ARMCX4: variants seen among roughly 807,000 people sequenced by gnomAD.
ARMCX4 encodes armadillo repeat-containing X-linked protein 4.
In ARMCX4, 3 loss-of-function variants were observed where a neutral mutation model predicts 34.7. That is an observed-to-expected ratio of 0.09 (90% CI 0.04 to 0.22). The LOEUF is 0.22. Ranked by LOEUF, ARMCX4 falls within the 10% of genes least tolerant of loss-of-function variation. The pLI, the probability that ARMCX4 is intolerant of heterozygous loss-of-function variation, is 1.00. For synonymous variants in ARMCX4, 513 were observed against 632.8 expected (o/e 0.81, Z 2.84); for missense variants, 1,448 against 1,720.8 (o/e 0.84, Z 2.81).
At chrX:101,483,186 G>A (rs1283197291), upstream of ARMCX4, among the ~76,000 whole-genome samples, 1 of 109,462 alleles carries the variant, frequency 9.1e-6, no homozygotes, top group Admixed American at 9.9e-5. Flanking sequence ...GAGCCACCGT[G>A]CCCGGCTGCG....
At chrX:101,459,098 C>A (rs1172641035) in intron 4 of ARMCX4, among the ~76,000 whole-genome samples, 1 of 111,696 alleles carries the variant, frequency 9.0e-6, no homozygotes, top group Admixed American at 9.5e-5. Context: ...GCTAGATTCA[C>A]CTTTTATGTT....
chrX:101,502,959 T>C (rs1211370378), intron 7 of ARMCX4, among the ~76,000 whole-genome samples: 1 of 70,007 alleles, frequency 1.4e-5, no homozygotes, highest in Non-Finnish European at 2.5e-5. Flanking sequence ...CAACAGGCCC[T>C]GGTGTGTGAT....
chrX:101,474,341 C>T (rs1933068346), intron 4 of ARMCX4, among the ~76,000 whole-genome samples: 1 of 107,342 alleles, frequency 9.3e-6, no homozygotes, highest in Non-Finnish European at 1.9e-5. Context: ...AAAAAGAGTC[C>T]AGGACCAGAT....
downstream of ARMCX4, among the ~76,000 whole-genome samples, chrX:101,497,909 A>G (rs1556012341): frequency 9.0e-6 from 1 of 111,713 alleles, no homozygotes; most frequent in Non-Finnish European, 1.9e-5. Flanking sequence ...ATTCCCCTTC[A>G]GGAATGAAAA....
intron 4 of ARMCX4, among the ~76,000 whole-genome samples, chrX:101,478,953 C>T (rs886271318): frequency 2.0e-4 from 22 of 110,512 alleles, no homozygotes; most frequent in African/African-American, 6.6e-4. Context: ...ACTATATGTA[C>T]ATATATATGT....
At chrX:101,508,967 A>C (rs782523660) in intron 8 of ARMCX4, among the ~76,000 whole-genome samples, 1 of 111,373 alleles carries the variant, frequency 9.0e-6, no homozygotes, top group Non-Finnish European at 1.9e-5. Flanking sequence ...TGTTATTGAC[A>C]GTTGAGTTAC....
intron 2 of ARMCX4, among the ~76,000 whole-genome samples, chrX:101,439,078 C>G (rs1430945203): frequency 1.8e-5 from 2 of 112,114 alleles, no homozygotes; most frequent in African/African-American, 6.5e-5. Context: ...ATAGTCTTTA[C>G]AATTTGGCAT....
chrX:101,527,605 G>A (rs1335295494), intron 11 of ARMCX4, among the ~76,000 whole-genome samples: 3 of 111,459 alleles, frequency 2.7e-5, no homozygotes, highest in South Asian at 3.7e-4. Flanking sequence ...AAGAAGAAAA[G>A]AGAGAAGAAT....
chrX:101,465,575 C>T (rs1485137388), intron 4 of ARMCX4, among the ~76,000 whole-genome samples: 2 of 111,960 alleles, frequency 1.8e-5, no homozygotes, highest in African/African-American at 6.5e-5. Context: ...TGGTTACATG[C>T]GGCAGTAGTT....
At chrX:101,443,715 T>G (rs1603129122) in intron 2 of ARMCX4, 1 of 265,954 alleles carries the variant, frequency 3.8e-6, no homozygotes, top group East Asian at 8.7e-5. Flanking sequence ...CAATAGTTCT[T>G]GTCGGTCTTG....
intron 11 of ARMCX4, among the ~76,000 whole-genome samples, chrX:101,529,983 G>C (rs1935085772): frequency 2.7e-5 from 3 of 111,280 alleles, no homozygotes; most frequent in Admixed American, 1.9e-4. Context: ...CCCATTACTG[G>C]GTATATACCA....
chrX:101,493,466 C>A lies in ARMCX4; in HGVS notation c.4877C>A (p.Pro1626His), dbSNP rs1436127275. The A allele has an allele frequency of 8.7e-7, 1 of 1,150,301 alleles. No individual in the cohort carries two copies. The highest frequency in any genetic ancestry group is 1.1e-6 in the Non-Finnish European group (1 of 871,188). 94.8% of individuals were successfully genotyped at this position (1,150,301 alleles called of 1,213,427 possible). A position where few individuals can be genotyped will look rare whatever the true frequency, so the allele number is the denominator to read the frequency against. ...GQVLGGARPGPADQSSGGSWA... is the reference protein window; with the variant it reads ...GQVLGGARPGHADQSSGGSWA... ...GTCCTTGGGGGAGCTAGGCCGGGGC[C>A]TGCAGACCAGTCCAGTGGTGGGTCC... The change falls in exon 6 of 6, where the codon CCT becomes CAT. Residue 1626 changes from proline to histidine, a missense_variant. Around this residue, in one of 2 missense-constraint regions of ARMCX4, gnomAD observed 1,343 missense variants for 1,540.7 expected, o/e 0.87. Coordinates refer to ENST00000423738, the MANE Select transcript of ARMCX4 (RefSeq NM_001256155.3).
rs186747396 is a variant in ARMCX4, at chrX:101,494,601, A to C, written c.6012A>C (p.Gln2004His). The change falls in exon 6 of 6, where the codon CAA becomes CAC. Residue 2004 changes from glutamine (Q) to histidine (H), a missense_variant. Physicochemically the swap from Gln to His is conservative, Grantham distance 24. This residue lies in a region of ARMCX4 where 1,343 missense variants were observed against 1,540.7 expected (regional missense o/e 0.87). Transcript: ENST00000423738. ...GGTCGGAAACTAAGTTTGCACACCA[A>C]AGTGAGGCCAGCTTCCCAGTTGAAG... Reference protein sequence around the residue: ...MIWSETKFAHQSEASFPVEDE... With the variant: ...MIWSETKFAHHSEASFPVEDE... The C allele has an allele frequency of 3.4e-4, 395 of 1,153,829 alleles. 1 individual carries two copies. Among genetic ancestry groups the C allele is most frequent in the Middle Eastern group, 3.0e-3 (13 of 4,307 alleles).
intron 4 of ARMCX4, among the ~76,000 whole-genome samples, chrX:101,460,528 T>G (rs1188749982): frequency 8.9e-6 from 1 of 112,073 alleles, no homozygotes; most frequent in African/African-American, 3.2e-5. Flanking sequence ...AACCTGGAAT[T>G]ACTGTAAAGC....
chrX:101,424,775 G>T lies in ARMCX4; in HGVS notation n.164+5775G>T, dbSNP rs909977250. Among the ~76,000 whole-genome samples, 6 of 111,880 alleles carry T rather than the reference G, an allele frequency of 5.4e-5. 1 individual carries two copies. Among genetic ancestry groups the T allele is most frequent in the Non-Finnish European group, 1.1e-4 (6 of 53,207 alleles). ...TCTGGCTTGTACAACTGGATGTTTG[G>T]AGTAACAGCATTAAGAAGCAGGACC... On this transcript the variant is annotated intron_variant and non_coding_transcript_variant, in intron 2 of 3. Coordinates refer to the ARMCX4 transcript ENST00000430461.
intron 10 of ARMCX4, among the ~76,000 whole-genome samples, chrX:101,510,069 A>G (rs1404246754): frequency 8.9e-6 from 1 of 112,095 alleles, no homozygotes; most frequent in Non-Finnish European, 1.9e-5. Context: ...CCGAAAACAG[A>G]TAACTATTGT....
At chrX:101,469,290 A>C (rs1402401737) in intron 4 of ARMCX4, among the ~76,000 whole-genome samples, 1 of 112,295 alleles carries the variant, frequency 8.9e-6, no homozygotes, top group Non-Finnish European at 1.9e-5. Context: ...AGAAAACCTA[A>C]ATGTCCATCA....
intron 11 of ARMCX4, among the ~76,000 whole-genome samples, chrX:101,520,519 G>T (rs1321029085): frequency 8.9e-6 from 1 of 112,212 alleles, no homozygotes; most frequent in East Asian, 2.8e-4. Context: ...CTATTGAAAT[G>T]ATCATGTGTT....
rs1376348231 is a variant in ARMCX4 at position 101,443,104 on chromosome X, C to T, written n.165-948C>T. Among the ~76,000 whole-genome samples, 17 of 91,736 alleles carry T rather than the reference C, an allele frequency of 1.9e-4. 1 individual carries two copies. In the Admixed American group the frequency reaches 2.2e-3, roughly 12 times the overall value. 79.7% of individuals were successfully genotyped at this position (91,736 alleles called of 115,157 possible). A position where few individuals can be genotyped will look rare whatever the true frequency, so the allele number is the denominator to read the frequency against. ...CGAGATCGTGCCACTGCACTTCAGCCTGGGTGACAGAGTGAGACTCCGTCT... is the reference window on the plus strand; with the variant it reads ...CGAGATCGTGCCACTGCACTTCAGCTTGGGTGACAGAGTGAGACTCCGTCT... On this transcript the variant is annotated intron_variant and non_coding_transcript_variant, in intron 2 of 3. Transcript: ENST00000430461.
Sources: allele counts gnomAD v4.1 joint callset (sites outside exome capture counted in the v4.1 genomes callset), GRCh38; gene constraint gnomAD v4.1.1; regional missense constraint gnomAD v4.1.1; transcripts MANE v1.5; gene names NCBI Gene and HGNC (gene_info 2026-07-23, HGNC 2026-07-21).